Variants in FARP1 observed in about 807,000 individuals in gnomAD.
The protein encoded by FARP1 is FERM, ARHGEF and pleckstrin domain-containing protein 1.
FARP1 carries 52 observed loss-of-function variants against 128.8 expected under a neutral mutation model. That is an observed-to-expected ratio of 0.40 (90% CI 0.32 to 0.51). FARP1 has a LOEUF of 0.51. Among genes scored for constraint, FARP1 ranks in the 20% least tolerant of loss-of-function variants. The probability of loss-of-function intolerance (pLI) is 0.45; values close to 1 mark genes in which losing one functional copy is unlikely to be tolerated. For missense variants in FARP1, 1,333 were observed against 1,367.9 expected (o/e 0.97, Z 0.40); for synonymous variants, 580 against 551.8 (o/e 1.05, Z -0.72).
rs1353882595 is a variant in FARP1, at chr13:98,213,295, A to G, written c.53A>G (p.Glu18Gly). ...CCAGGATCACGACTGGGGGCCCCGG[A>G]AAATTCGGGGATCAGTACCTTGGAA... is the stretch of plus-strand genomic sequence containing the variant. ...PTPGSRLGAP[E>G]NSGISTLERG... is the part of the protein sequence containing the mutation. The change falls in exon 2 of 27, where the codon GAA becomes GGA. Residue 18 changes from glutamate to glycine, a missense_variant. Glu to Gly is a moderately conservative substitution (Grantham distance 98, BLOSUM62 -2). Transcript: ENST00000319562. 2 of 1,614,100 alleles carry G rather than the reference A, an allele frequency of 1.2e-6. No individual in the cohort carries two copies. Among genetic ancestry groups the G allele is most frequent in the Non-Finnish European group, 1.7e-6 (2 of 1,179,996 alleles).
At position 98,379,169 on chromosome 13, in the gene FARP1, AATCT is replaced by A. The variant is rs1249885236; in HGVS notation, c.496+1254_496+1257del. Reference sequence around the variant, plus strand: ...TATATATAATATATATATAATATATAATCTATATATAATATATATAATATATAAT... The same window carrying A: ...TATATATAATATATATATAATATATAATATATAATATATATAATATATAAT... On this transcript the variant is annotated intron_variant, in intron 6 of 26. Transcript: ENST00000319562. Among the ~76,000 whole-genome samples, 12 of 114,850 alleles carry A rather than the reference AATCT, an allele frequency of 1.0e-4. 3 individuals are homozygous for A. The highest frequency in any genetic ancestry group is 4.2e-4 in the African/African-American group (12 of 28,410). The allele number at this position is 114,850 out of a possible 152,430, so 75.3% of individuals were successfully genotyped here.
intron 2 of FARP1, among the ~76,000 whole-genome samples, chr13:98,273,264 G>C (rs763788924): frequency 6.6e-6 from 1 of 152,176 alleles, no homozygotes; most frequent in African/African-American, 2.4e-5. Flanking sequence ...AGATAAGGAC[G>C]TCTGTTAACC....
Position 98,452,914 on chromosome 13 carries a change from T to TA in FARP1, c.*4601dup, listed in dbSNP as rs1397611861. 2.5e-6 allele frequency: 1 copy of TA among 403,404 alleles called. No homozygotes were observed. The highest frequency in any genetic ancestry group is 4.4e-6 in the Non-Finnish European group (1 of 227,658). The allele number at this position is 403,404 out of a possible 1,614,324, so 25.0% of individuals were successfully genotyped here. ...TTTCCTGGAATATGTGCACTATGGT[T>TA]AAAATTAAAAACAAAAGTAATAAAA... On this transcript the variant is annotated 3_prime_UTR_variant, in exon 27 of 27. Coordinates refer to ENST00000319562, the MANE Select transcript of FARP1 (RefSeq NM_005766.4).
chr13:98,186,132 C>T (rs1485154932), intron 1 of FARP1, among the ~76,000 whole-genome samples: 12 of 151,846 alleles, frequency 7.9e-5, no homozygotes, highest in South Asian at 4.2e-4. Context: ...AACGGAGTTT[C>T]GCTCTTGTTG....
At chr13:98,193,653 C>G (rs966280908) in intron 1 of FARP1, among the ~76,000 whole-genome samples, 3 of 152,220 alleles carry the variant, frequency 2.0e-5, no homozygotes. Context: ...CAAGTAGCAA[C>G]CCACTTTGCT....
At chr13:98,444,351 G>A (rs1352747604) in intron 24 of FARP1, among the ~76,000 whole-genome samples, 2 of 140,484 alleles carry the variant, frequency 1.4e-5, no homozygotes, top group Admixed American at 7.0e-5. Context: ...ACCCACAGCA[G>A]GGTCTGAGGG....
chr13:98,285,813 G>A (rs570701367), intron 2 of FARP1, among the ~76,000 whole-genome samples: 14 of 152,250 alleles, frequency 9.2e-5, no homozygotes, highest in South Asian at 2.1e-4. Flanking sequence ...TTCAACCATC[G>A]TTTGGGAGTA....
chr13:98,315,164 C>T lies in FARP1; in HGVS notation c.172-28598C>T, dbSNP rs1458244799. Among the ~76,000 whole-genome samples the T allele has an allele frequency of 1.3e-5, 2 of 152,094 alleles. 1 individual carries two copies. The highest frequency in any genetic ancestry group is 3.9e-4 in the East Asian group (2 of 5,180). ...TTTGTTTTTTAAAACAGGGTCTTGC[C>T]CTGTCACTCAGGGTGGAGTGCTGTG... On this transcript the variant is annotated intron_variant, in intron 2 of 26. Coordinates refer to ENST00000319562, the MANE Select transcript of FARP1 (RefSeq NM_005766.4).
intron 2 of FARP1, among the ~76,000 whole-genome samples, chr13:98,290,760 T>C (rs1438722284): frequency 1.3e-5 from 2 of 152,074 alleles, no homozygotes; most frequent in Non-Finnish European, 2.9e-5. Flanking sequence ...ACAGTAGAGC[T>C]GACAAGATCT....
At chr13:98,362,293 C>T (rs543378751) in intron 3 of FARP1, among the ~76,000 whole-genome samples, 61 of 152,250 alleles carry the variant, frequency 4.0e-4, no homozygotes, top group African/African-American at 1.4e-3. Context: ...TTACCTGATT[C>T]CCCAGCCAGC....
At chr13:98,242,701 A>G (rs567590550) in intron 2 of FARP1, among the ~76,000 whole-genome samples, 4 of 152,234 alleles carry the variant, frequency 2.6e-5, no homozygotes, top group Non-Finnish European at 4.4e-5. Flanking sequence ...TTAATATAAA[A>G]TTTTGAAAGA....
chr13:98,287,267 C>G (rs1258782315), intron 2 of FARP1, among the ~76,000 whole-genome samples: 1 of 110,362 alleles, frequency 9.1e-6, no homozygotes, highest in Non-Finnish European at 1.7e-5. Flanking sequence ...GTCTTGCTCT[C>G]TCTCCCAGGC....
intron 1 of FARP1, among the ~76,000 whole-genome samples, chr13:98,185,448 T>C (rs771644730): frequency 6.6e-6 from 1 of 152,158 alleles, no homozygotes. Context: ...GGGGGCTTCC[T>C]TTTCTGTTTA....
intron 2 of FARP1, among the ~76,000 whole-genome samples, chr13:98,334,747 C>T (rs1213433203): frequency 2.0e-5 from 3 of 152,070 alleles, no homozygotes; most frequent in African/African-American, 7.2e-5. Context: ...GAACTAGTGA[C>T]CTTAGGAGAA....
At position 98,409,414 on chromosome 13, in the gene FARP1, C is replaced by G. The variant is rs764228906; in HGVS notation, c.1491C>G (p.Thr497=). Reference sequence around the variant, plus strand: ...GGGGAGTGGCCCCTGCCAACGTGACCTTGTCTCCCAACCTGAGCCCCGACA... The same window carrying G: ...GGGGAGTGGCCCCTGCCAACGTGACGTTGTCTCCCAACCTGAGCCCCGACA... The part of the protein sequence containing the change: ...SQGGVAPANV[T]LSPNLSPDTK... Residue 497 remains threonine, a synonymous_variant, in exon 14 of 27, where the codon ACC becomes ACG. Coordinates refer to ENST00000319562, the MANE Select transcript of FARP1 (RefSeq NM_005766.4). The G allele has an allele frequency of 5.0e-6, 8 of 1,613,982 alleles. No homozygotes were observed. The highest frequency in any genetic ancestry group is 1.1e-5 in the South Asian group (1 of 91,072).
At chr13:98,337,149 C>A (rs1178686860) in intron 2 of FARP1, among the ~76,000 whole-genome samples, 1 of 152,088 alleles carries the variant, frequency 6.6e-6, no homozygotes. Context: ...GGATGATCAC[C>A]TGAGCTCAGG....
At chr13:98,200,635 A>C (rs997898603) in intron 1 of FARP1, among the ~76,000 whole-genome samples, 2 of 152,144 alleles carry the variant, frequency 1.3e-5, no homozygotes, top group African/African-American at 4.8e-5. Flanking sequence ...GCACTTACGC[A>C]AGAAAAGTGA....
chr13:98,316,925 G>A (rs536933682), intron 2 of FARP1, among the ~76,000 whole-genome samples: 3 of 152,310 alleles, frequency 2.0e-5, no homozygotes, highest in African/African-American at 4.8e-5. Flanking sequence ...TTGGTTACAC[G>A]TTCTCAGTAG....
Position 98,409,703 on chromosome 13 carries a change from A to G in FARP1, c.1602+178A>G, listed in dbSNP as rs1196319077. Among the ~76,000 whole-genome samples the G allele has an allele frequency of 2.0e-5, 3 of 152,294 alleles. No homozygotes were observed. In the East Asian group the frequency reaches 5.8e-4, roughly 29 times the overall value. ...TGTTGTGCCACTGTCCCGACCATCC[A>G]TCTCCAGAACTTATCTTCCCAAACA... On this transcript the variant is annotated intron_variant, in intron 14 of 26. Transcript: ENST00000319562.
Sources: gnomAD v4.1 joint callset for allele counts (sites outside exome capture counted in the v4.1 genomes callset) on GRCh38, gnomAD v4.1.1 for gene constraint, MANE v1.5 for transcripts, NCBI Gene and HGNC (gene_info 2026-07-23, HGNC 2026-07-21) for gene names.